Variants in RORA observed in about 807,000 individuals in gnomAD.
The protein encoded by RORA is nuclear receptor ROR-alpha.
In RORA, 7 loss-of-function variants were observed where a neutral mutation model predicts 69.5. The ratio of observed to expected loss-of-function variants is 0.10; its 90% CI spans 0.06 to 0.19. RORA has a LOEUF of 0.19. Among genes scored for constraint, RORA ranks in the 10% least tolerant of loss-of-function variants. The probability of loss-of-function intolerance (pLI) is 1.00; values close to 1 mark genes in which losing one functional copy is unlikely to be tolerated. For missense variants in RORA, 457 were observed against 663.0 expected, an observed-to-expected ratio of 0.69 and a Z score of 3.41; for synonymous variants, 261 against 240.8, an observed-to-expected ratio of 1.08 and a Z score of -0.78.
At chr15:60,893,367 T>C (rs1263548461) in intron 1 of RORA, among the ~76,000 whole-genome samples, 1 of 152,196 alleles carries the variant, frequency 6.6e-6, no homozygotes. Context: ...CTGGGAGCCC[T>C]GGTTTTCTGA....
intron 2 of RORA, among the ~76,000 whole-genome samples, chr15:60,612,661 G>GTTTTTTTTTTTTTT (rs71122864): frequency 3.7e-5 from 4 of 107,168 alleles, no homozygotes; most frequent in Non-Finnish European, 3.8e-5. Flanking sequence ...CTCTCTCTCT[G>GTTTTTTTTTTTTTT]TTTTTTTTTT....
intron 1 of RORA, among the ~76,000 whole-genome samples, chr15:61,099,675 C>G (rs2078849220): frequency 6.6e-6 from 1 of 152,226 alleles, no homozygotes; most frequent in African/African-American, 2.4e-5. Context: ...ATGTTCAGCT[C>G]TGGCCATTTT....
At chr15:60,513,564 C>T (rs1159862412) in intron 4 of RORA, among the ~76,000 whole-genome samples, 4 of 152,218 alleles carry the variant, frequency 2.6e-5, no homozygotes, top group African/African-American at 9.6e-5. Context: ...ATATACCTAA[C>T]TTTGTCAGTT....
chr15:61,136,662 A>G (rs564254123), intron 1 of RORA, among the ~76,000 whole-genome samples: 17 of 152,308 alleles, frequency 1.1e-4, no homozygotes, highest in African/African-American at 4.1e-4. Flanking sequence ...TTCAGAACGA[A>G]GGGTTTCAAT....
intron 1 of RORA, among the ~76,000 whole-genome samples, chr15:60,985,966 T>C (rs776332437): frequency 8.5e-5 from 13 of 152,230 alleles, no homozygotes; most frequent in Non-Finnish European, 1.6e-4. Flanking sequence ...ATTTGAAGGC[T>C]GTGGGAACCA....
chr15:60,678,465 T>C, intron 2 of RORA, 192 bp downstream of exon 2: 1 of 570,110 alleles, frequency 1.8e-6, no homozygotes, highest in South Asian at 2.2e-5. Flanking sequence ...AGCCTCTCTC[T>C]TCAACACACA....
At chr15:60,671,066 T>TTATATATA (rs1567149501) in intron 2 of RORA, among the ~76,000 whole-genome samples, 8 of 18,516 alleles carry the variant, frequency 4.3e-4, no homozygotes, top group South Asian at 2.9e-3. Flanking sequence ...TATATCCCAT[T>TTATATATA]GATATATATA....
At chr15:61,048,206 G>C (rs1490312157) in intron 1 of RORA, among the ~76,000 whole-genome samples, 2 of 152,156 alleles carry the variant, frequency 1.3e-5, no homozygotes, top group Non-Finnish European at 2.9e-5. Flanking sequence ...GATTATGCTG[G>C]TGTTACTGAT....
intron 2 of RORA, among the ~76,000 whole-genome samples, chr15:60,591,923 G>A (rs886139691): frequency 6.6e-6 from 1 of 152,002 alleles, no homozygotes; most frequent in African/African-American, 2.4e-5. Flanking sequence ...ATGACATCGC[G>A]ACAACGCGCA....
chr15:60,724,903 C>T (rs967120266), intron 1 of RORA, among the ~76,000 whole-genome samples: 5 of 152,180 alleles, frequency 3.3e-5, no homozygotes, highest in Admixed American at 2.0e-4. Flanking sequence ...CCCTCCTCCC[C>T]GCTCCTCACA....
chr15:60,723,279 C>T (rs16942996), intron 1 of RORA, among the ~76,000 whole-genome samples: 13,816 of 151,820 alleles, frequency 0.091, 1,542 homozygotes, highest in African/African-American at 0.27. Flanking sequence ...AGTTTCGATG[C>T]GCATATAGGT....
chr15:60,998,595 C>T (rs1236014608), intron 1 of RORA, among the ~76,000 whole-genome samples: 1 of 152,158 alleles, frequency 6.6e-6, no homozygotes, highest in Non-Finnish European at 1.5e-5. Context: ...GACAGGGTTT[C>T]ACCATGTTAG....
intron 1 of RORA, among the ~76,000 whole-genome samples, chr15:61,225,473 A>G (rs2080137498): frequency 6.6e-6 from 1 of 152,250 alleles, no homozygotes; most frequent in Non-Finnish European, 1.5e-5. Context: ...AGAAGTCCTC[A>G]GGGCTACACA....
At chr15:60,593,033 T>C in intron 2 of RORA, 1 of 442,498 alleles carries the variant, frequency 2.3e-6, no homozygotes, top group Non-Finnish European at 4.5e-6. Flanking sequence ...CCAGCTCTAA[T>C]CGGAAGGTAC....
chr15:60,973,114 C>T (rs966963397), intron 1 of RORA, among the ~76,000 whole-genome samples: 4 of 151,934 alleles, frequency 2.6e-5, no homozygotes, highest in African/African-American at 4.8e-5. Flanking sequence ...GGGGAGGACA[C>T]GCATTTAAGC....
chr15:60,514,187 G>T (rs192965404), intron 4 of RORA, among the ~76,000 whole-genome samples: 18 of 152,246 alleles, frequency 1.2e-4, no homozygotes, highest in Admixed American at 5.9e-4. Context: ...GCATAAAAGC[G>T]GCTTCATCCC....
At chr15:61,225,867 C>T (rs1040950419) in intron 1 of RORA, among the ~76,000 whole-genome samples, 2 of 152,260 alleles carry the variant, frequency 1.3e-5, no homozygotes, top group African/African-American at 4.8e-5. Flanking sequence ...CTTCCCTTGT[C>T]GCTTCCTGCC....
intron 1 of RORA, among the ~76,000 whole-genome samples, chr15:60,815,134 C>T (rs1335331244): frequency 1.3e-5 from 2 of 152,124 alleles, no homozygotes; most frequent in African/African-American, 2.4e-5. Context: ...GATGCTTCAC[C>T]CAACTTGTGG....
intron 1 of RORA, among the ~76,000 whole-genome samples, chr15:60,725,630 C>T (rs1300559144): frequency 2.0e-5 from 3 of 152,182 alleles, no homozygotes; most frequent in African/African-American, 2.4e-5. Flanking sequence ...TGACCTTAGT[C>T]ACCCTGCTGT....
Sources: allele counts gnomAD v4.1 joint callset (sites outside exome capture counted in the v4.1 genomes callset), GRCh38; gene constraint gnomAD v4.1.1; transcripts MANE v1.5; gene names NCBI Gene and HGNC (gene_info 2026-07-23, HGNC 2026-07-21).